The following SERP1 variants were observed in gnomAD, a reference collection of about 807,000 sequenced individuals.
The protein encoded by SERP1 is stress associated endoplasmic reticulum protein 1, also known as stress-associated endoplasmic reticulum protein 1.
SERP1 carries 6 observed loss-of-function variants against 8.8 expected under a neutral mutation model. The ratio of observed to expected loss-of-function variants is 0.68; its 90% confidence interval spans 0.37 to 1.35. The LOEUF (loss-of-function observed/expected upper bound fraction) is 1.35. Ranked by LOEUF, SERP1 falls within the 40% of genes most tolerant of loss-of-function variation. The pLI is 0.02. For missense variants in SERP1, 52 were observed against 86.2 expected, an observed-to-expected ratio of 0.60 and a Z score of 1.57; for synonymous variants, 36 against 28.7, an observed-to-expected ratio of 1.25 and a Z score of -0.81.
In SERP1 at chr3:150,546,123, G is replaced by C. The variant is rs1323755941; in HGVS notation, c.13C>G (p.Gln5Glu). Residue 5 changes from glutamine to glutamate, a missense_variant, in exon 1 of 3, where the codon CAA (glutamine) becomes GAA (glutamate). By Grantham distance (29) the Gln-to-Glu change is conservative (BLOSUM62 2). Transcript: ENST00000239944. ...TTCTCGTTGGCCATACGGATCCTTT[G>C]CTTGGCGACCATCTTCGCGGCGCCA... MVAK[Q>E]RIRMANEKHS... 1 of 1,613,414 alleles carries C rather than the reference G, an allele frequency of 6.2e-7. No individual in the cohort carries two copies. Among genetic ancestry groups the C allele is most frequent in the Non-Finnish European group, 8.5e-7 (1 of 1,179,860 alleles).
rs570266468 is a variant in SERP1 at position 150,546,328 on chromosome 3, C to G, written c.-193G>C. 9.5e-4 allele frequency: 584 copies of G among 614,662 alleles called. No homozygotes were observed. Among genetic ancestry groups the G allele is most frequent in the Admixed American group, 2.2e-3 (64 of 29,092 alleles). 38.1% of individuals were successfully genotyped at this position (614,662 alleles called of 1,614,324 possible). ...GGTCTGAGCACAAGCCGGGCGCCGG[C>G]CGCCGACTGACTGACCGAGCGGGGC... On this transcript the variant is annotated 5_prime_UTR_variant, in exon 1 of 3. Transcript: ENST00000239944.
rs1456719790 is a variant in SERP1 at position 150,543,393 on chromosome 3, A to G, written c.*1065T>C. The G allele has an allele frequency of 6.6e-6, 1 of 152,648 alleles. No individual in the cohort carries two copies. The highest frequency in any genetic ancestry group is 2.4e-5 in the African/African-American group (1 of 41,450). 9.5% of individuals were successfully genotyped at this position (152,648 alleles called of 1,614,324 possible). Reference sequence around the variant, plus strand: ...ACTAAAGACTGATCATTATCAGTAAATCCATTCAATTCCAGATGCCACTTT... The same window carrying G: ...ACTAAAGACTGATCATTATCAGTAAGTCCATTCAATTCCAGATGCCACTTT... On this transcript the variant is annotated 3_prime_UTR_variant, in exon 3 of 3. Coordinates refer to ENST00000239944, the MANE Select transcript of SERP1 (RefSeq NM_014445.4).
Position 150,546,162 on chromosome 3 carries a change from C to CCA in SERP1, c.-29_-28dup. On this transcript the variant is annotated 5_prime_UTR_variant, in exon 1 of 3. Coordinates refer to ENST00000239944, the MANE Select transcript of SERP1 (RefSeq NM_014445.4). ...TTCGCGGCGCCACCACCTGCCCCGG[C>CCA]CACCCCTCGGACTCGCTCACTCGCC... 1 of 1,609,588 alleles carries CCA rather than the reference C, an allele frequency of 6.2e-7. No individual in the cohort carries two copies. The highest frequency in any genetic ancestry group is 8.5e-7 in the Non-Finnish European group (1 of 1,178,414).
rs1285123361 is a variant in SERP1 at position 150,542,390 on chromosome 3, C to T, written c.*2068G>A. On this transcript the variant is annotated 3_prime_UTR_variant, in exon 3 of 3. Transcript: ENST00000239944. ...CACCTATTTCCAGTTATAAACCTTA[C>T]ATCTGTGCCTCTGCATACCATTTAA... 2 of 152,230 alleles carry T rather than the reference C, an allele frequency of 1.3e-5. No homozygotes were observed. The highest frequency in any genetic ancestry group is 4.8e-5 in the African/African-American group (2 of 41,466). The allele number at this position is 152,230 out of a possible 1,614,324, so 9.4% of individuals were successfully genotyped here. A position where few individuals can be genotyped will look rare whatever the true frequency, so the allele number is the denominator to read the frequency against.
rs753201004 is a variant in SERP1 at position 150,546,150 on chromosome 3, C to T, written c.-15G>A. 21 of 1,612,048 alleles carry T rather than the reference C, an allele frequency of 1.3e-5. No individual in the cohort carries two copies. The highest frequency in any genetic ancestry group is 6.7e-5 in the Admixed American group (4 of 59,998). On this transcript the variant is annotated 5_prime_UTR_variant, in exon 1 of 3. Coordinates refer to ENST00000239944, the MANE Select transcript of SERP1 (RefSeq NM_014445.4). ...TTGGCGACCATCTTCGCGGCGCCACCACCTGCCCCGGCCACCCCTCGGACT... is the reference window on the plus strand; with the variant it reads ...TTGGCGACCATCTTCGCGGCGCCACTACCTGCCCCGGCCACCCCTCGGACT...
At position 150,543,891 on chromosome 3, in the gene SERP1, A is replaced by C. The variant is rs1722926854; in HGVS notation, c.*567T>G. ...ATAAGCATCTCCCTTTATATTAGAC[A>C]TTTAGAAGCTTTTAAAACTTTTTAG... On this transcript the variant is annotated 3_prime_UTR_variant, in exon 3 of 3. Transcript: ENST00000239944. The C allele has an allele frequency of 6.6e-6, 1 of 152,268 alleles. No individual in the cohort carries two copies. Among genetic ancestry groups the C allele is most frequent in the African/African-American group, 2.4e-5 (1 of 41,458 alleles). 9.4% of individuals were successfully genotyped at this position (152,268 alleles called of 1,614,324 possible).
chr3:150,546,211 G>C lies in SERP1; in HGVS notation c.-76C>G. 6.5e-7 allele frequency: 1 copy of C among 1,543,154 alleles called. No individual in the cohort carries two copies. The highest frequency in any genetic ancestry group is 8.9e-7 in the Non-Finnish European group (1 of 1,127,198). On this transcript the variant is annotated 5_prime_UTR_variant, in exon 1 of 3. Transcript: ENST00000239944. ...CCTGCCTCCTCTGGAGCCGCTGCGA[G>C]GCTCGGCTCGTGGTGCCCGCGCCGC...
At position 150,543,719 on chromosome 3, in the gene SERP1, C is replaced by T. The variant is rs377058873; in HGVS notation, c.*739G>A. 2 of 152,316 alleles carry T rather than the reference C, an allele frequency of 1.3e-5. No individual in the cohort carries two copies. The highest frequency in any genetic ancestry group is 2.4e-5 in the African/African-American group (1 of 41,406). 9.4% of individuals were successfully genotyped at this position (152,316 alleles called of 1,614,324 possible). ...TTCCCTGACTGACTTCACTCCACCACGGTAGCTTTTAGTGAAACCACAGTA... is the reference window on the plus strand; with the variant it reads ...TTCCCTGACTGACTTCACTCCACCATGGTAGCTTTTAGTGAAACCACAGTA... On this transcript the variant is annotated 3_prime_UTR_variant, in exon 3 of 3. Coordinates refer to ENST00000239944, the MANE Select transcript of SERP1 (RefSeq NM_014445.4).
chr3:150,544,337 T>A lies in SERP1; in HGVS notation c.*121A>T. The A allele has an allele frequency of 1.1e-6, 1 of 914,494 alleles. No individual in the cohort carries two copies. The highest frequency in any genetic ancestry group is 2.4e-5 in the East Asian group (1 of 41,418). The allele number at this position is 914,494 out of a possible 1,614,324, so 56.6% of individuals were successfully genotyped here. On this transcript the variant is annotated 3_prime_UTR_variant, in exon 3 of 3. Coordinates refer to ENST00000239944, the MANE Select transcript of SERP1 (RefSeq NM_014445.4). ...CCTTGGAATGACACATGAAGCATGA[T>A]AGGAAAGTCATTCTGAGGCAGGATG...
Position 150,545,756 on chromosome 3 carries a change from G to A in SERP1, c.107C>T (p.Ala36Val), listed in dbSNP as rs1316846732. 10 of 1,608,550 alleles carry A rather than the reference G, an allele frequency of 6.2e-6. No homozygotes were observed. The highest frequency in any genetic ancestry group is 8.5e-6 in the Non-Finnish European group (10 of 1,177,068). ...AGCCAATAACCAGGGTCCTACAGAC[G>A]CCTTCTCTTCGGGGGCATTTCTCTG... ...KTSRNAPEEK[A>V]SVGPWLLALF... The change falls in exon 2 of 3, where the codon GCG (alanine) becomes GTG (valine). Residue 36 changes from alanine (A) to valine (V), a missense_variant. Physicochemically the swap from Ala to Val is moderately conservative, Grantham distance 64. Coordinates refer to ENST00000239944, the MANE Select transcript of SERP1 (RefSeq NM_014445.4).
chr3:150,545,054 A>G (rs183224243), intron 2 of SERP1, among the ~76,000 whole-genome samples: 24 of 151,642 alleles, frequency 1.6e-4, no homozygotes, highest in African/African-American at 5.6e-4. Flanking sequence ...TTGCATATTA[A>G]AATGATAAAT....
At position 150,544,203 on chromosome 3, in the gene SERP1, G is replaced by A. The variant is rs1415300675; in HGVS notation, c.*255C>T. 2.4e-6 allele frequency: 1 copy of A among 419,178 alleles called. No homozygotes were observed. The highest frequency in any genetic ancestry group is 4.3e-6 in the Non-Finnish European group (1 of 233,600). The allele number at this position is 419,178 out of a possible 1,614,324, so 26.0% of individuals were successfully genotyped here. On this transcript the variant is annotated 3_prime_UTR_variant, in exon 3 of 3. Coordinates refer to ENST00000239944, the MANE Select transcript of SERP1 (RefSeq NM_014445.4). ...TTACTCTTAATTGACTGAATAAGTA[G>A]GGTCCACTACTGTATCTTAACAATC...
chr3:150,543,795 T>TA lies in SERP1; in HGVS notation c.*662dup, dbSNP rs1392823806. On this transcript the variant is annotated 3_prime_UTR_variant, in exon 3 of 3. Coordinates refer to ENST00000239944, the MANE Select transcript of SERP1 (RefSeq NM_014445.4). ...GTTTTTTTTTTATGGCATCTTGGGT[T>TA]ACTATACTCACTCATGCAAAATCCA... The TA allele has an allele frequency of 1.3e-5, 2 of 152,116 alleles. No individual in the cohort carries two copies. Among genetic ancestry groups the TA allele is most frequent in the African/African-American group, 4.8e-5 (2 of 41,430 alleles). 9.4% of individuals were successfully genotyped at this position (152,116 alleles called of 1,614,324 possible). A position where few individuals can be genotyped will look rare whatever the true frequency, so the allele number is the denominator to read the frequency against.
chr3:150,543,561 A>C lies in SERP1; in HGVS notation c.*897T>G, dbSNP rs531348995. 1.3e-5 allele frequency: 2 copies of C among 152,628 alleles called. No homozygotes were observed. The highest frequency in any genetic ancestry group is 2.9e-5 in the Non-Finnish European group (2 of 68,006). 9.5% of individuals were successfully genotyped at this position (152,628 alleles called of 1,614,324 possible). A position where few individuals can be genotyped will look rare whatever the true frequency, so the allele number is the denominator to read the frequency against. On this transcript the variant is annotated 3_prime_UTR_variant, in exon 3 of 3. Coordinates refer to ENST00000239944, the MANE Select transcript of SERP1 (RefSeq NM_014445.4). ...AACATGCTAAAATGTCTTATGGCAC[A>C]TTGGACTCAACAGCATGTTCTGATG... is the stretch of plus-strand genomic sequence containing the variant.
chr3:150,545,966 G>C, intron 1 of SERP1, 86 bp downstream of exon 1: 1 of 1,557,804 alleles, frequency 6.4e-7, no homozygotes. Context: ...CGGTCGGCCG[G>C]ATCCGGGAGA....
In SERP1 at chr3:150,546,140, G is replaced by C. The variant is rs1335621748; in HGVS notation, c.-5C>G. On this transcript the variant is annotated 5_prime_UTR_variant, in exon 1 of 3. Transcript: ENST00000239944. Reference sequence around the variant, plus strand: ...GATCCTTTGCTTGGCGACCATCTTCGCGGCGCCACCACCTGCCCCGGCCAC... The same window carrying C: ...GATCCTTTGCTTGGCGACCATCTTCCCGGCGCCACCACCTGCCCCGGCCAC... 6.2e-7 allele frequency: 1 copy of C among 1,612,792 alleles called. No homozygotes were observed. Among genetic ancestry groups the C allele is most frequent in the Middle Eastern group, 1.6e-4 (1 of 6,062 alleles).
chr3:150,544,612 T>C, intron 2 of SERP1, 114 bp from the exon 3 acceptor site: 1 of 768,660 alleles, frequency 1.3e-6, no homozygotes, highest in Non-Finnish European at 2.2e-6. Context: ...CATTTGCAAA[T>C]GGTACATAAC....
rs957743926 is a variant in SERP1, at chr3:150,544,291, T to G, written c.*167A>C. 8 of 642,590 alleles carry G rather than the reference T, an allele frequency of 1.2e-5. No homozygotes were observed. The African/African-American group carries it at 1.3e-4, about 10-fold the overall frequency. 39.8% of individuals were successfully genotyped at this position (642,590 alleles called of 1,614,324 possible). ...GGCACTGTGGTATGGACTAGAAAAC[T>G]TGGAATGACTCATGAAGAAACCTTG... is the stretch of plus-strand genomic sequence containing the variant. On this transcript the variant is annotated 3_prime_UTR_variant, in exon 3 of 3. Transcript: ENST00000239944.
chr3:150,545,428 G>A, intron 2 of SERP1: 2 of 445,446 alleles, frequency 4.5e-6, no homozygotes, highest in Non-Finnish European at 7.9e-6. Context: ...GGTTTTGTCC[G>A]GTCTTAACAT....
Sources: allele counts gnomAD v4.1 joint callset (sites outside exome capture counted in the v4.1 genomes callset), GRCh38; gene constraint gnomAD v4.1.1; transcripts MANE v1.5; gene names NCBI Gene and HGNC (gene_info 2026-07-23, HGNC 2026-07-21).